FAT4: variants seen among roughly 807,000 people sequenced by gnomAD.
FAT4 encodes protocadherin Fat 4.
A neutral mutation model predicts 303.9 loss-of-function variants in FAT4; 84 were observed. That is an observed-to-expected ratio of 0.28 (90% CI 0.23 to 0.33). The LOEUF is 0.33. Ranked by LOEUF, FAT4 falls within the 10% of genes least tolerant of loss-of-function variation. The pLI is 1.00. For synonymous variants in FAT4, 2,307 were observed against 2,298.8 expected (o/e 1.00, Z -0.10); for missense variants, 6,005 against 6,146.8 (o/e 0.98, Z 0.77).
chr4:125,458,635 A>G (rs1430163802), intron 10 of FAT4, among the ~76,000 whole-genome samples: 1 of 151,928 alleles, frequency 6.6e-6, no homozygotes, highest in Non-Finnish European at 1.5e-5. Flanking sequence ...TTAATAACGT[A>G]TGTTTCTAAG....
At chr4:125,474,548 CA>C (rs1236643782) in intron 12 of FAT4, among the ~76,000 whole-genome samples, 5 of 150,736 alleles carry the variant, frequency 3.3e-5, no homozygotes, top group South Asian at 2.1e-4. Context: ...AAAAAAATGG[CA>C]AAAAAAATTC....
chr4:125,336,229 A>C (rs569917967), intron 2 of FAT4, among the ~76,000 whole-genome samples: 1 of 152,116 alleles, frequency 6.6e-6, no homozygotes, highest in Non-Finnish European at 1.5e-5. Flanking sequence ...ATGAGTGACT[A>C]GTGAGCCGCA....
In FAT4 at chr4:125,451,969, T is replaced by C; in HGVS notation, c.10959T>C (p.Leu3653=). ...PDVLDSFHCS[L]TSGVTSLFSI... ...TGTTAGACAGCTTCCACTGCTCCCTTACTTCAGGAGTTACCAGCCTCTTCA... is the reference window on the plus strand; with the variant it reads ...TGTTAGACAGCTTCCACTGCTCCCTCACTTCAGGAGTTACCAGCCTCTTCA... The change falls in exon 10 of 18, where the codon CTT becomes CTC. Residue 3653 remains leucine (L), a synonymous_variant. Transcript: ENST00000394329. 2 of 1,614,176 alleles carry C rather than the reference T, an allele frequency of 1.2e-6. No individual in the cohort carries two copies. Among genetic ancestry groups the C allele is most frequent in the Non-Finnish European group, 8.5e-7 (1 of 1,180,030 alleles).
intron 2 of FAT4, among the ~76,000 whole-genome samples, chr4:125,361,222 T>A (rs1732652630): frequency 6.6e-6 from 1 of 152,092 alleles, no homozygotes; most frequent in South Asian, 2.1e-4. Flanking sequence ...TAAAAATATA[T>A]CTCTGTTCTT....
chr4:125,385,255 TC>T (rs1221846384), intron 2 of FAT4, among the ~76,000 whole-genome samples: 1 of 151,938 alleles, frequency 6.6e-6, no homozygotes, highest in African/African-American at 2.4e-5. Flanking sequence ...ATTCCTGACC[TC>T]AGGTGATCTA....
intron 11 of FAT4, among the ~76,000 whole-genome samples, chr4:125,467,089 A>C (rs1726692790): frequency 1.3e-5 from 2 of 152,074 alleles, no homozygotes; most frequent in Admixed American, 1.3e-4. Flanking sequence ...AATGATGTTT[A>C]ATTTCTACTC....
intron 11 of FAT4, among the ~76,000 whole-genome samples, chr4:125,466,931 T>C (rs949739384): frequency 1.3e-5 from 2 of 152,008 alleles, no homozygotes; most frequent in South Asian, 2.1e-4. Flanking sequence ...CCTGCCACCA[T>C]GCCCGGCTAA....
At chr4:125,469,432 G>T (rs1187294136) in intron 12 of FAT4, among the ~76,000 whole-genome samples, 2 of 152,098 alleles carry the variant, frequency 1.3e-5, no homozygotes, top group Non-Finnish European at 2.9e-5. Flanking sequence ...AGCATTTGAG[G>T]CTATTTGATT....
At chr4:125,378,886 G>A (rs1051225265) in intron 2 of FAT4, among the ~76,000 whole-genome samples, 12 of 152,120 alleles carry the variant, frequency 7.9e-5, no homozygotes, top group Non-Finnish European at 1.6e-4. Context: ...AAATTCCACT[G>A]GCTATGGAGT....
chr4:125,404,102 G>A (rs986674954), intron 3 of FAT4, among the ~76,000 whole-genome samples: 1 of 151,984 alleles, frequency 6.6e-6, no homozygotes, highest in Non-Finnish European at 1.5e-5. Context: ...TTTTCTCTCC[G>A]CCATCTCTCT....
chr4:125,463,744 G>A, intron 11 of FAT4, 77 bp downstream of exon 11: 1 of 864,222 alleles, frequency 1.2e-6, no homozygotes, highest in South Asian at 2.1e-5. Context: ...TTTATTATGA[G>A]TATGAAAGAC....
At chr4:125,471,616 T>G (rs2126078875) in intron 12 of FAT4, among the ~76,000 whole-genome samples, 1 of 152,256 alleles carries the variant, frequency 6.6e-6, no homozygotes, top group South Asian at 2.1e-4. Flanking sequence ...ATGGCTTATT[T>G]ATTTTTTATT....
intron 17 of FAT4, among the ~76,000 whole-genome samples, chr4:125,488,708 T>C (rs1560637839): frequency 6.6e-6 from 1 of 152,174 alleles, no homozygotes; most frequent in Non-Finnish European, 1.5e-5. Context: ...ATTTGAAGCA[T>C]CTTTGAGAAA....
chr4:125,355,585 T>C (rs974604672), intron 2 of FAT4, among the ~76,000 whole-genome samples: 53 of 152,002 alleles, frequency 3.5e-4, no homozygotes, highest in African/African-American at 1.2e-3. Context: ...ACACCTATGT[T>C]TGGGGTTTTG....
intron 12 of FAT4, 134 bp from the exon 13 acceptor site, chr4:125,476,037 A>T (rs1225572871): frequency 2.2e-6 from 1 of 448,172 alleles, no homozygotes; most frequent in African/African-American, 2.0e-5. Flanking sequence ...TATGTGATTT[A>T]TACATTAAAT....
In FAT4 at chr4:125,398,930, T is replaced by C. The variant is rs760968011; in HGVS notation, c.5307+15T>C. ...ATGCTGATGAGGTAGCTCAAGCATG[T>C]CTCTGAATTTGTGAAACTTCGTAGT... On this transcript the variant is annotated intron_variant, in intron 3 of 17. Coordinates refer to ENST00000394329, the MANE Select transcript of FAT4 (RefSeq NM_001291303.3). 5.6e-6 allele frequency: 9 copies of C among 1,611,906 alleles called. No individual in the cohort carries two copies. The highest frequency in any genetic ancestry group is 4.0e-5 in the African/African-American group (3 of 74,816).
In FAT4 at chr4:125,316,778, G is replaced by C. The variant is rs759429066; in HGVS notation, c.367G>C (p.Val123Leu). Residue 123 changes from valine (V) to leucine (L), a missense_variant, in exon 2 of 18, where the codon GTG becomes CTG. Transcript: ENST00000394329. This position sits in a 1 kb window ranked among gnomAD's most constrained non-coding sequence, Gnocchi z 5.7. ...GCCCACCTACCCCACCGAAGTGCGA[G>C]TGCTGGTGCGGGACCTCAATGACAA... ...SAPTYPTEVRVLVRDLNDNAP... is the reference protein window; with the variant it reads ...SAPTYPTEVRLLVRDLNDNAP... The C allele has an allele frequency of 8.1e-6, 13 of 1,613,986 alleles. No homozygotes were observed. The African/African-American group carries it at 1.7e-4, about 22-fold the overall frequency.
intron 6 of FAT4, among the ~76,000 whole-genome samples, chr4:125,416,166 T>C (rs929504002): frequency 6.6e-6 from 1 of 152,204 alleles, no homozygotes; most frequent in African/African-American, 2.4e-5. Context: ...ATTGTTCTAC[T>C]CTTTTCCTTC....
At chr4:125,419,825 C>A (rs1735217663) in intron 7 of FAT4, among the ~76,000 whole-genome samples, 1 of 152,140 alleles carries the variant, frequency 6.6e-6, no homozygotes, top group African/African-American at 2.4e-5. Context: ...AGTATTTACA[C>A]CCTGGAAATC....
Sources: gnomAD v4.1 joint callset for allele counts (sites outside exome capture counted in the v4.1 genomes callset) on GRCh38, gnomAD v4.1.1 for gene constraint, Gnocchi (gnomAD v3.1) non-coding constraint, MANE v1.5 for transcripts, NCBI Gene and HGNC (gene_info 2026-07-23, HGNC 2026-07-21) for gene names.